The following ILDR2 variants were observed in gnomAD, a reference collection of about 807,000 sequenced individuals.
ILDR2 encodes immunoglobulin-like domain-containing receptor 2.
ILDR2 carries 25 observed loss-of-function variants against 66.8 expected under a neutral mutation model. The observed-to-expected ratio is 0.37, with a 90% CI of 0.27 to 0.52. ILDR2 has a LOEUF of 0.52. Ranked by LOEUF, ILDR2 falls within the 20% of genes least tolerant of loss-of-function variation. ILDR2 has a pLI of 0.88. For synonymous variants in ILDR2, 367 were observed against 357.2 expected, an observed-to-expected ratio of 1.03 and a Z score of -0.31; for missense variants, 827 against 876.8, an observed-to-expected ratio of 0.94 and a Z score of 0.72.
Position 166,935,168 on chromosome 1 carries a change from G to A in ILDR2, c.880+133C>T. The A allele has an allele frequency of 3.3e-6, 3 of 897,082 alleles. No homozygotes were observed. The South Asian group carries it at 4.8e-5, about 14-fold the overall frequency. The allele number at this position is 897,082 out of a possible 1,614,324, so 55.6% of individuals were successfully genotyped here. A position where few individuals can be genotyped will look rare whatever the true frequency, so the allele number is the denominator to read the frequency against. ...CCCTAAAAGATATCTGACATAGCTGGAAGGATCCCATTTCTGGAACAGAGA... is the reference window on the plus strand; with the variant it reads ...CCCTAAAAGATATCTGACATAGCTGAAAGGATCCCATTTCTGGAACAGAGA... On this transcript the variant is annotated intron_variant, in intron 6 of 9. Transcript: ENST00000271417.
Position 166,975,287 on chromosome 1 carries a change from C to A in ILDR2, c.-19G>T. On this transcript the variant is annotated 5_prime_UTR_variant, in exon 1 of 10. Transcript: ENST00000271417. ...TATCCATCTTCCCCAACTTCCCAGC[C>A]GAATTACGGAGTGAGGAAAGTGGGA... 6.2e-7 allele frequency: 1 copy of A among 1,611,848 alleles called. No individual in the cohort carries two copies.
rs192847818 is a variant in ILDR2 at position 166,913,431 on chromosome 1, T to G, written c.*5924A>C. 2 of 152,316 alleles carry G rather than the reference T, an allele frequency of 1.3e-5. No individual in the cohort carries two copies. Among genetic ancestry groups the G allele is most frequent in the Admixed American group, 6.5e-5 (1 of 15,308 alleles). 9.4% of individuals were successfully genotyped at this position (152,316 alleles called of 1,614,324 possible). A position where few individuals can be genotyped will look rare whatever the true frequency, so the allele number is the denominator to read the frequency against. ...TTATTCTCACACAGCAAATTTCTTA[T>G]GCAGTCGTGTCTAATACTTTTGTTA... is the stretch of plus-strand genomic sequence containing the variant. On this transcript the variant is annotated 3_prime_UTR_variant, in exon 10 of 10. Coordinates refer to ENST00000271417, the MANE Select transcript of ILDR2 (RefSeq NM_199351.3).
At chr1:166,968,957 C>A (rs1478990847) in intron 1 of ILDR2, among the ~76,000 whole-genome samples, 1 of 152,108 alleles carries the variant, frequency 6.6e-6, no homozygotes, top group African/African-American at 2.4e-5. Context: ...TTGGGCGCTG[C>A]TTGTTTCTGC....
At chr1:166,905,776 A>G (rs1659335005), downstream of ILDR2, among the ~76,000 whole-genome samples, 1 of 152,188 alleles carries the variant, frequency 6.6e-6, no homozygotes, top group South Asian at 2.1e-4. Context: ...CAAATAAATC[A>G]TCAGTTGGAG....
At position 166,915,479 on chromosome 1, in the gene ILDR2, CAG is replaced by C; in HGVS notation, c.*3874_*3875del. On this transcript the variant is annotated 3_prime_UTR_variant, in exon 10 of 10. Transcript: ENST00000271417. ...AGACCCACCCAATCAATCTCCAAAA[CAG>C]GGTCCAACAATACCTTTTTAACAGC... 1 of 152,200 alleles carries C rather than the reference CAG, an allele frequency of 6.6e-6. No individual in the cohort carries two copies. The highest frequency in any genetic ancestry group is 1.5e-5 in the Non-Finnish European group (1 of 68,036). The allele number at this position is 152,200 out of a possible 1,614,324, so 9.4% of individuals were successfully genotyped here. A position where few individuals can be genotyped will look rare whatever the true frequency, so the allele number is the denominator to read the frequency against.
At chr1:166,973,414 T>A (rs971204105) in intron 1 of ILDR2, among the ~76,000 whole-genome samples, 14 of 152,254 alleles carry the variant, frequency 9.2e-5, no homozygotes, top group African/African-American at 3.4e-4. Flanking sequence ...TAGGACTCCA[T>A]CTCTATAAAC....
At chr1:166,899,562 A>G (rs1485050114) in intron 2 of ILDR2, among the ~76,000 whole-genome samples, 1 of 152,160 alleles carries the variant, frequency 6.6e-6, no homozygotes, top group East Asian at 1.9e-4. Flanking sequence ...AGCTGACAGG[A>G]GTTAGCAGAT....
In ILDR2 at chr1:166,936,697, G is replaced by A. The variant is rs758891563; in HGVS notation, c.597C>T (p.Leu199=). The part of the protein sequence containing the change: ...FVGLVLLGVF[L]FFVLVGICWC... The stretch of plus-strand genomic sequence containing the variant: ...AGCAGATCCCCACCAGGACGAAGAA[G>A]AGGAAGACGCCCAGGAGCACCAGGC... Residue 199 remains leucine, a synonymous_variant, in exon 5 of 10, where the codon CTC becomes CTT. Coordinates refer to ENST00000271417, the MANE Select transcript of ILDR2 (RefSeq NM_199351.3). The surrounding 1 kb of genome is among the most constrained non-coding windows in gnomAD (Gnocchi z 5.0). 2 of 1,614,036 alleles carry A rather than the reference G, an allele frequency of 1.2e-6. No homozygotes were observed. Among genetic ancestry groups the A allele is most frequent in the African/African-American group, 2.7e-5 (2 of 74,904 alleles).
chr1:166,972,987 C>T (rs2102042526), intron 1 of ILDR2, among the ~76,000 whole-genome samples: 1 of 152,278 alleles, frequency 6.6e-6, no homozygotes, highest in East Asian at 1.9e-4. Flanking sequence ...CCTCCCCAGC[C>T]GCCATTGTTT....
At chr1:166,958,304 C>G (rs1662401564) in intron 1 of ILDR2, among the ~76,000 whole-genome samples, 1 of 152,038 alleles carries the variant, frequency 6.6e-6, no homozygotes, top group Admixed American at 6.5e-5. Context: ...TGTGTCCCTG[C>G]CCAAATCTCA....
chr1:166,965,599 G>T (rs1348965346), intron 1 of ILDR2, among the ~76,000 whole-genome samples: 1 of 147,024 alleles, frequency 6.8e-6, no homozygotes. Context: ...TTTTGACAGG[G>T]TCTCTCTCTG....
chr1:166,956,974 C>T, intron 2 of ILDR2, 122 bp from the exon 3 acceptor site: 1 of 982,492 alleles, frequency 1.0e-6, no homozygotes, highest in Non-Finnish European at 1.5e-6. Context: ...CTTTCTTTAT[C>T]TGGATGGTGG....
intron 3 of ILDR2, among the ~76,000 whole-genome samples, chr1:166,948,733 G>C (rs867231231): frequency 6.6e-6 from 1 of 152,140 alleles, no homozygotes; most frequent in South Asian, 2.1e-4. Flanking sequence ...GCCTCTGCCC[G>C]TGGAATGGGC....
intron 3 of ILDR2, among the ~76,000 whole-genome samples, chr1:166,940,479 T>A (rs1361058392): frequency 6.6e-6 from 1 of 152,096 alleles, no homozygotes; most frequent in Non-Finnish European, 1.5e-5. Flanking sequence ...CTAGCAAATT[T>A]CCCTCCTTTC....
chr1:166,896,817 TA>T (rs1659174722), intron 2 of ILDR2, among the ~76,000 whole-genome samples: 1 of 152,028 alleles, frequency 6.6e-6, no homozygotes. Flanking sequence ...TTATTTTTAG[TA>T]GAGATGGGGT....
intron 3 of ILDR2, among the ~76,000 whole-genome samples, chr1:166,941,527 TA>T (rs1351515499): frequency 6.6e-6 from 1 of 152,192 alleles, no homozygotes; most frequent in Non-Finnish European, 1.5e-5. Context: ...AACGAGGTAA[TA>T]ATCACCTAGT....
intron 1 of ILDR2, among the ~76,000 whole-genome samples, chr1:166,964,706 G>A (rs909159096): frequency 1.3e-5 from 2 of 152,022 alleles, no homozygotes; most frequent in Admixed American, 6.6e-5. Context: ...TAGGTACCTC[G>A]TCACCAGTCA....
chr1:166,901,369 A>C (rs1659261610), intron 2 of ILDR2, among the ~76,000 whole-genome samples: 1 of 152,170 alleles, frequency 6.6e-6, no homozygotes, highest in Admixed American at 6.5e-5. Context: ...CCTACAGCTC[A>C]TCTCCATGGC....
rs1417468731 is a variant in ILDR2, at chr1:166,909,770, A to AATAT, written c.*9581_*9584dup. ...ATATATATATATATAAATATATATA[A>AATAT]ATATATATATTTATATATATATATA... On this transcript the variant is annotated 3_prime_UTR_variant, in exon 10 of 10. Transcript: ENST00000271417. 1.5e-5 allele frequency: 1 copy of AATAT among 66,238 alleles called. No individual in the cohort carries two copies. The highest frequency in any genetic ancestry group is 7.4e-5 in the African/African-American group (1 of 13,534). The allele number at this position is 66,238 out of a possible 1,614,324, so 4.1% of individuals were successfully genotyped here. A position where few individuals can be genotyped will look rare whatever the true frequency, so the allele number is the denominator to read the frequency against.
Sources: gnomAD v4.1 joint callset for allele counts (sites outside exome capture counted in the v4.1 genomes callset) on GRCh38, gnomAD v4.1.1 for gene constraint, Gnocchi (gnomAD v3.1) non-coding constraint, MANE v1.5 for transcripts, NCBI Gene and HGNC (gene_info 2026-07-23, HGNC 2026-07-21) for gene names.